Variants in MAN2B2 observed in about 807,000 individuals in gnomAD.
MAN2B2 encodes the protein epididymis-specific alpha-mannosidase.
A neutral mutation model predicts 117.1 loss-of-function variants in MAN2B2; 106 were observed. The observed-to-expected ratio is 0.90, with a 90% confidence interval of 0.77 to 1.06. The LOEUF (loss-of-function observed/expected upper bound fraction) is 1.06. Ranked by LOEUF, MAN2B2 falls within the 50% of genes least tolerant of loss-of-function variation. MAN2B2 has a pLI of 0.00. For synonymous variants in MAN2B2, 544 were observed against 595.1 expected, an observed-to-expected ratio of 0.91 and a Z score of 1.25; for missense variants, 1,326 against 1,381.4, an observed-to-expected ratio of 0.96 and a Z score of 0.64.
intron 4 of MAN2B2, among the ~76,000 whole-genome samples, chr4:6,587,777 C>G (rs1726697779): frequency 9.8e-6 from 1 of 102,388 alleles, no homozygotes; most frequent in South Asian, 3.3e-4. Flanking sequence ...TTTTTTGAGA[C>G]AGGGTCTTGC....
At chr4:6,595,176 A>C (rs958310914) in intron 7 of MAN2B2, among the ~76,000 whole-genome samples, 1 of 152,220 alleles carries the variant, frequency 6.6e-6, no homozygotes. Flanking sequence ...TCAGGCCAGA[A>C]CTGGGTTGGC....
intron 6 of MAN2B2, among the ~76,000 whole-genome samples, chr4:6,593,971 C>T (rs1368420117): frequency 6.6e-6 from 1 of 152,200 alleles, no homozygotes; most frequent in African/African-American, 2.4e-5. Context: ...TGTTCAGACC[C>T]AGTCAGGCGG....
rs137878503 is a variant in MAN2B2 at position 6,609,178 on chromosome 4, G to T, written c.1886G>T (p.Gly629Val). Residue 629 changes from glycine (G) to valine (V), a missense_variant, in exon 12 of 19, where the codon GGC (glycine) becomes GTC (valine). Transcript: ENST00000285599. ...EYHVNGDVKQ[G>V]PISDNYLFTP... ...CACGTCAACGGGGATGTGAAACAGG[G>T]CCCCATTTCCGATAACTACCTGTTC... is the stretch of plus-strand genomic sequence containing the variant. The T allele has an allele frequency of 3.3e-4, 531 of 1,614,134 alleles. 1 individual carries two copies. The highest frequency in any genetic ancestry group is 2.7e-4 in the Non-Finnish European group (316 of 1,180,048).
At chr4:6,611,029 C>A (rs1329518914) in intron 14 of MAN2B2, 39 bp downstream of exon 14, 27 of 1,612,844 alleles carry the variant, frequency 1.7e-5, no homozygotes, top group Non-Finnish European at 2.1e-5. Context: ...CCCCTCGCGG[C>A]CCCCTACAGG....
chr4:6,611,892 G>A (rs1451222550), intron 15 of MAN2B2, among the ~76,000 whole-genome samples: 3 of 152,186 alleles, frequency 2.0e-5, no homozygotes, highest in Non-Finnish European at 4.4e-5. Flanking sequence ...GACTTATTCT[G>A]TACCTCCACT....
At chr4:6,608,474 C>A (rs1727631920) in intron 11 of MAN2B2, among the ~76,000 whole-genome samples, 1 of 152,224 alleles carries the variant, frequency 6.6e-6, no homozygotes, top group South Asian at 2.1e-4. Flanking sequence ...AAATACTTGA[C>A]CCCCTCCTGC....
Position 6,613,727 on chromosome 4 carries a change from G to C in MAN2B2, c.2564-491G>C, listed in dbSNP as rs796340241. ...AAGTGAGGGAGGGAGGGGAAGGGAA[G>C]GGAACGGAAGGGAGGGGACGGGAGG... On this transcript the variant is annotated intron_variant, in intron 15 of 18. Coordinates refer to ENST00000285599, the MANE Select transcript of MAN2B2 (RefSeq NM_015274.3). Among the ~76,000 whole-genome samples, 11 of 140,818 alleles carry C rather than the reference G, an allele frequency of 7.8e-5. 1 individual carries two copies. Among genetic ancestry groups the C allele is most frequent in the African/African-American group, 2.7e-4 (10 of 37,370 alleles). 92.4% of individuals were successfully genotyped at this position (140,818 alleles called of 152,430 possible). A position where few individuals can be genotyped will look rare whatever the true frequency, so the allele number is the denominator to read the frequency against.
rs1257398647 is a variant in MAN2B2, at chr4:6,589,772, G to A, written c.680+612G>A. ...CTTGTTATGAGTCCCTGTCCCAAAA[G>A]AGGATTGTTTAAAGGATGAGATCTT... is the stretch of plus-strand genomic sequence containing the variant. On this transcript the variant is annotated intron_variant, in intron 5 of 18. Transcript: ENST00000285599. Among the ~76,000 whole-genome samples the A allele has an allele frequency of 2.0e-5, 3 of 152,206 alleles. No homozygotes were observed. In the East Asian group the frequency reaches 5.8e-4, roughly 29 times the overall value.
chr4:6,584,221 C>T lies in MAN2B2; in HGVS notation c.392-2775C>T, dbSNP rs56147730. Among the ~76,000 whole-genome samples, 841 of 152,296 alleles carry T rather than the reference C, an allele frequency of 5.5e-3. 7 individuals carry two copies. Among genetic ancestry groups the T allele is most frequent in the African/African-American group, 0.019 (785 of 41,558 alleles). On this transcript the variant is annotated intron_variant, in intron 3 of 18. Transcript: ENST00000285599. ...GCTTGTCTAACTACCTGTAACAAAG[C>T]GACTTGAGTCTTAAGAACATTTACT...
chr4:6,611,697 G>T (rs1711569433), intron 15 of MAN2B2, among the ~76,000 whole-genome samples: 1 of 152,222 alleles, frequency 6.6e-6, no homozygotes, highest in South Asian at 2.1e-4. Flanking sequence ...GGGAGACTGA[G>T]GCAGGAGAAT....
At chr4:6,612,124 T>C (rs1175819816) in intron 15 of MAN2B2, among the ~76,000 whole-genome samples, 3 of 152,256 alleles carry the variant, frequency 2.0e-5, no homozygotes, top group Non-Finnish European at 4.4e-5. Flanking sequence ...CTCCCTGCTT[T>C]GGTTTTAGAG....
intron 11 of MAN2B2, among the ~76,000 whole-genome samples, chr4:6,607,673 A>G (rs1727605856): frequency 6.6e-6 from 1 of 152,236 alleles, no homozygotes; most frequent in South Asian, 2.1e-4. Flanking sequence ...AGCCACTATC[A>G]ATAATGCTGC....
At chr4:6,577,214 G>A (rs572102789) in intron 2 of MAN2B2, among the ~76,000 whole-genome samples, 11 of 152,270 alleles carry the variant, frequency 7.2e-5, no homozygotes, top group African/African-American at 2.6e-4. Context: ...GGCAGCCTGG[G>A]TCCCATCCTG....
In MAN2B2 at chr4:6,594,752, G is replaced by T. The variant is rs1307425699; in HGVS notation, c.1057+20G>T. On this transcript the variant is annotated intron_variant, in intron 7 of 18. Coordinates refer to ENST00000285599, the MANE Select transcript of MAN2B2 (RefSeq NM_015274.3). ...CCACAGGTACAGGCTTCCAGGGGCT[G>T]GGGTGGTAGTTTGGTGGCAGGGAGG... The T allele has an allele frequency of 1.3e-6, 2 of 1,595,440 alleles. No individual in the cohort carries two copies. Among genetic ancestry groups the T allele is most frequent in the East Asian group, 2.3e-5 (1 of 43,766 alleles).
At position 6,578,384 on chromosome 4, in the gene MAN2B2, C is replaced by T. The variant is rs1388417046; in HGVS notation, c.286-9C>T. On this transcript the variant is annotated splice_polypyrimidine_tract_variant and intron_variant, in intron 2 of 18. Coordinates refer to ENST00000285599, the MANE Select transcript of MAN2B2 (RefSeq NM_015274.3). ...ACTGGCTTTTTTCTCTCTGCCTGCC[C>T]ATGTCAAGGTCCGCCAGCTCCTGGA... The T allele has an allele frequency of 6.2e-7, 1 of 1,609,062 alleles. No individual in the cohort carries two copies. The highest frequency in any genetic ancestry group is 8.5e-7 in the Non-Finnish European group (1 of 1,176,852).
chr4:6,610,219 C>T (rs926913459), intron 13 of MAN2B2, among the ~76,000 whole-genome samples, 169 bp downstream of exon 13: 1 of 152,052 alleles, frequency 6.6e-6, no homozygotes, highest in South Asian at 2.1e-4. Flanking sequence ...CGCAATGGAG[C>T]GATCTTGGCT....
chr4:6,600,159 G>A (rs1458397438), intron 9 of MAN2B2, among the ~76,000 whole-genome samples: 5 of 152,148 alleles, frequency 3.3e-5, no homozygotes, highest in Admixed American at 3.3e-4. Flanking sequence ...CTCATCACAG[G>A]GACCTAAAAT....
intron 1 of MAN2B2, 65 bp from the exon 2 acceptor site, chr4:6,576,513 G>T: frequency 6.3e-7 from 1 of 1,580,632 alleles, no homozygotes. Context: ...CTGGCGAATG[G>T]CAGGGGCCCC....
At chr4:6,599,127 C>T (rs1403883374) in intron 9 of MAN2B2, among the ~76,000 whole-genome samples, 1 of 152,204 alleles carries the variant, frequency 6.6e-6, no homozygotes, top group African/African-American at 2.4e-5. Flanking sequence ...GACAGGGTCT[C>T]GCTGTGTCAC....
Sources: gnomAD v4.1 joint callset for allele counts (sites outside exome capture counted in the v4.1 genomes callset) on GRCh38, gnomAD v4.1.1 for gene constraint, MANE v1.5 for transcripts, NCBI Gene and HGNC (gene_info 2026-07-23, HGNC 2026-07-21) for gene names.